The following MTSS2 variants were observed in gnomAD, a reference collection of about 807,000 sequenced individuals.
The protein encoded by MTSS2 is protein MTSS 2.
MTSS2 carries 27 observed loss-of-function variants against 67.1 expected under a neutral mutation model. The ratio of observed to expected loss-of-function variants is 0.40; its 90% CI spans 0.30 to 0.55. The LOEUF is 0.55. Among genes scored for constraint, MTSS2 ranks in the 20% least tolerant of loss-of-function variants. The pLI, the probability that MTSS2 is intolerant of heterozygous loss-of-function variation, is 0.43. For missense variants in MTSS2, 1,171 were observed against 1,067.8 expected (o/e 1.10, Z -1.35); for synonymous variants, 624 against 468.6 (o/e 1.33, Z -4.28).
rs752464245 is a variant in MTSS2 at position 70,679,581 on chromosome 16, G to A, written c.457+49C>T. ...GGGCGCCCCACGGGGCGGTGGGGCT[G>A]TGGAGCGGGGCCGTGGGGCTGTGGC... On this transcript the variant is annotated intron_variant, in intron 6 of 14. Coordinates refer to ENST00000338779, the MANE Select transcript of MTSS2 (RefSeq NM_138383.3). The A allele has an allele frequency of 3.9e-6, 6 of 1,538,566 alleles. No individual in the cohort carries two copies. The East Asian group carries it at 1.2e-4, about 30-fold the overall frequency.
rs753061030 is a variant in MTSS2 at position 70,678,242 on chromosome 16, G to A, written c.624+10C>T. 1 of 1,602,252 alleles carries A rather than the reference G, an allele frequency of 6.2e-7. No individual in the cohort carries two copies. Among genetic ancestry groups the A allele is most frequent in the South Asian group, 1.1e-5 (1 of 89,978 alleles). On this transcript the variant is annotated intron_variant, in intron 8 of 14. Coordinates refer to ENST00000338779, the MANE Select transcript of MTSS2 (RefSeq NM_138383.3). Reference sequence around the variant, plus strand: ...CACCCCTCTGGGGTCTGAGTCCCCAGGAGTCCCACCACCACAGGCTGCAGG... The same window carrying A: ...CACCCCTCTGGGGTCTGAGTCCCCAAGAGTCCCACCACCACAGGCTGCAGG...
In MTSS2 at chr16:70,680,069, C is replaced by T; in HGVS notation, c.206-14G>A. On this transcript the variant is annotated splice_polypyrimidine_tract_variant and intron_variant, in intron 3 of 14. Coordinates refer to ENST00000338779, the MANE Select transcript of MTSS2 (RefSeq NM_138383.3). ...CCCTCGTGGCCCCTGGCGAGGCAAG[C>T]GCGGGGTGGGAAGGGGCCCGCTGGG... is the stretch of plus-strand genomic sequence containing the variant. 3.3e-6 allele frequency: 5 copies of T among 1,493,748 alleles called. No homozygotes were observed. The South Asian group carries it at 3.7e-5, about 11-fold the overall frequency. The allele number at this position is 1,493,748 out of a possible 1,614,324, so 92.5% of individuals were successfully genotyped here.
At chr16:70,680,918 G>GGGGGGGGGGGGGGGGC in intron 2 of MTSS2, 46 bp downstream of exon 2, 1 of 1,097,928 alleles carries the variant, frequency 9.1e-7, no homozygotes, top group African/African-American at 1.6e-5. Flanking sequence ...CGGGGGGGGG[G>GGGGGGGGGGGGGGGGC]CCTCTGCCTG....
intron 11 of MTSS2, among the ~76,000 whole-genome samples, chr16:70,673,632 A>G (rs1263130357): frequency 2.0e-5 from 3 of 152,214 alleles, no homozygotes; most frequent in Non-Finnish European, 4.4e-5. Flanking sequence ...AAAAATGACA[A>G]GAAATGTGTA....
chr16:70,672,341 CAA>C lies in MTSS2; in HGVS notation c.1053+1963_1053+1964del, dbSNP rs11297993. Reference sequence around the variant, plus strand: ...CAGCCTGGGTGATAAGAGCAAAATTCAAAAAAAAAAAAAAAAAAAAAGGAAAA... The same window carrying C: ...CAGCCTGGGTGATAAGAGCAAAATTCAAAAAAAAAAAAAAAAAAAGGAAAA... On this transcript the variant is annotated intron_variant, in intron 11 of 14. Coordinates refer to ENST00000338779, the MANE Select transcript of MTSS2 (RefSeq NM_138383.3). Among the ~76,000 whole-genome samples the C allele has an allele frequency of 1.6e-3, 132 of 80,854 alleles. No homozygotes were observed. In the Middle Eastern group the frequency reaches 0.036, roughly 22 times the overall value. The allele number at this position is 80,854 out of a possible 152,430, so 53.0% of individuals were successfully genotyped here. A position where few individuals can be genotyped will look rare whatever the true frequency, so the allele number is the denominator to read the frequency against.
chr16:70,662,956 T>G lies in MTSS2; in HGVS notation c.*721A>C, dbSNP rs953513454. 2.0e-5 allele frequency: 3 copies of G among 151,422 alleles called. No homozygotes were observed. The highest frequency in any genetic ancestry group is 4.4e-5 in the Non-Finnish European group (3 of 67,880). 9.4% of individuals were successfully genotyped at this position (151,422 alleles called of 1,614,324 possible). A position where few individuals can be genotyped will look rare whatever the true frequency, so the allele number is the denominator to read the frequency against. ...TGCCCTAGTTTCCAAAGAGCTGCTC[T>G]GGCCCCCTCCAGCCAGCCTCACGGG... is the stretch of plus-strand genomic sequence containing the variant. On this transcript the variant is annotated 3_prime_UTR_variant, in exon 15 of 15. Coordinates refer to ENST00000338779, the MANE Select transcript of MTSS2 (RefSeq NM_138383.3).
intron 7 of MTSS2, 103 bp from the exon 8 acceptor site, chr16:70,678,512 CTGGG>C: frequency 2.1e-6 from 3 of 1,399,456 alleles, no homozygotes; most frequent in Non-Finnish European, 2.9e-6. Context: ...GGCCGTTGGG[CTGGG>C]TGTTGCCCTG....
At chr16:70,679,527 G>T in intron 6 of MTSS2, 103 bp downstream of exon 6, 1 of 1,337,968 alleles carries the variant, frequency 7.5e-7, no homozygotes, top group Non-Finnish European at 1.0e-6. Flanking sequence ...GTCGGGGACA[G>T]CGCCCCTCTG....
chr16:70,674,480 A>G lies in MTSS2; in HGVS notation c.879T>C (p.Pro293=). 6.2e-7 allele frequency: 1 copy of G among 1,614,040 alleles called. No homozygotes were observed. The highest frequency in any genetic ancestry group is 1.1e-5 in the South Asian group (1 of 91,078). ...SSAKGGGAPW[P]GGAQTYSPSS... ...TGGGTGAGTATGTTTGGGCACCCCC[A>G]GGCCATGGGGCTCCGCCACCCTTGG... Residue 293 remains proline, a synonymous_variant, in exon 11 of 15, where the codon CCT becomes CCC. Transcript: ENST00000338779.
chr16:70,680,148 G>GAGCCCGC (rs1292881858), intron 3 of MTSS2, 93 bp from the exon 4 acceptor site: 2 of 877,178 alleles, frequency 2.3e-6, no homozygotes, highest in Non-Finnish European at 2.9e-6. Flanking sequence ...CGCGCAGGCG[G>GAGCCCGC]AGCCCGCAGC....
chr16:70,678,922 C>T (rs1437202222), intron 7 of MTSS2, among the ~76,000 whole-genome samples: 1 of 152,178 alleles, frequency 6.6e-6, no homozygotes, highest in African/African-American at 2.4e-5. Flanking sequence ...GGGAGCAGAG[C>T]ACACAGCAAC....
chr16:70,680,908 C>CGGGGG (rs370016576), intron 2 of MTSS2, 41 bp from the exon 3 acceptor site: 62 of 1,178,722 alleles, frequency 5.3e-5, no homozygotes, highest in South Asian at 2.7e-4. Flanking sequence ...GGTGGTTGGG[C>CGGGGG]GGGGGGGGGG....
Position 70,664,409 on chromosome 16 carries a change from G to C in MTSS2, c.1512C>G (p.Asp504Glu), listed in dbSNP as rs372253854. ...YDCYSVNGDADSEGPPEFDKS... is the reference protein window; with the variant it reads ...YDCYSVNGDAESEGPPEFDKS... ...TGTCAAACTCGGGCGGGCCCTCGCT[G>C]TCCGCATCCCCATTCACGGAGTAGC... The change falls in exon 15 of 15, where the codon GAC (aspartate) becomes GAG (glutamate). Residue 504 changes from aspartate (D) to glutamate (E), a missense_variant. Asp to Glu is a conservative substitution (Grantham distance 45). Around this residue, in one of 2 missense-constraint regions of MTSS2, gnomAD observed 924 missense variants for 756.0 expected, o/e 1.22. Coordinates refer to ENST00000338779, the MANE Select transcript of MTSS2 (RefSeq NM_138383.3). 35 of 1,553,418 alleles carry C rather than the reference G, an allele frequency of 2.3e-5. No individual in the cohort carries two copies. The Admixed American group carries it at 3.2e-4, about 14-fold the overall frequency.
At chr16:70,675,608 G>A (rs1385785127) in intron 10 of MTSS2, among the ~76,000 whole-genome samples, 3 of 152,160 alleles carry the variant, frequency 2.0e-5, no homozygotes, top group Non-Finnish European at 4.4e-5. Context: ...AGTAAAGACG[G>A]GGTTTCACCG....
Position 70,674,387 on chromosome 16 carries a change from G to A in MTSS2, c.972C>T (p.Ser324=), listed in dbSNP as rs1273072846. ...GGGAGACGAAGCCAGAGTCATGGGAGGAAACGCTGGAGAGGCGAGCGGTGG... is the reference window on the plus strand; with the variant it reads ...GGGAGACGAAGCCAGAGTCATGGGAAGAAACGCTGGAGAGGCGAGCGGTGG... ...ATTTARLSSV[S]SHDSGFVSQD... is the part of the protein sequence containing the mutation. The change falls in exon 11 of 15, where the codon TCC becomes TCT. Residue 324 remains serine (S), a synonymous_variant. Coordinates refer to ENST00000338779, the MANE Select transcript of MTSS2 (RefSeq NM_138383.3). The A allele has an allele frequency of 2.5e-6, 4 of 1,614,212 alleles. No homozygotes were observed. Among genetic ancestry groups the A allele is most frequent in the South Asian group, 1.1e-5 (1 of 91,080 alleles).
chr16:70,682,649 G>GC (rs2053337225), intron 1 of MTSS2, among the ~76,000 whole-genome samples: 2 of 136,970 alleles, frequency 1.5e-5, no homozygotes, highest in Non-Finnish European at 3.1e-5. Flanking sequence ...ACCTGGACCC[G>GC]CCCCCCTCCC....
At position 70,663,708 on chromosome 16, in the gene MTSS2, G is replaced by A. The variant is rs747571428; in HGVS notation, c.2213C>T (p.Thr738Ile). 17 of 1,589,086 alleles carry A rather than the reference G, an allele frequency of 1.1e-5. No individual in the cohort carries two copies. Among genetic ancestry groups the A allele is most frequent in the Non-Finnish European group, 1.4e-5 (16 of 1,169,258 alleles). ...RRGVRLRRTV[T>I]NDRSAPRIL ...GATGCGGGGCGCCGACCTGTCGTTG[G>A]TGACGGTCCTGCGGAGCCGGACCCC... The change falls in exon 15 of 15, where the codon ACC becomes ATC. Residue 738 changes from threonine (T) to isoleucine (I), a missense_variant. Around this residue, in one of 2 missense-constraint regions of MTSS2, gnomAD observed 924 missense variants for 756.0 expected, o/e 1.22. Coordinates refer to ENST00000338779, the MANE Select transcript of MTSS2 (RefSeq NM_138383.3).
chr16:70,662,075 ACT>A lies in MTSS2; in HGVS notation c.*1600_*1601del, dbSNP rs1333038825. 4 of 151,596 alleles carry A rather than the reference ACT, an allele frequency of 2.6e-5. No individual in the cohort carries two copies. Among genetic ancestry groups the A allele is most frequent in the African/African-American group, 9.7e-5 (4 of 41,142 alleles). 9.4% of individuals were successfully genotyped at this position (151,596 alleles called of 1,614,324 possible). A position where few individuals can be genotyped will look rare whatever the true frequency, so the allele number is the denominator to read the frequency against. ...TTCTTCATCAGCTCCCTCTGATGGG[ACT>A]CTGTCCACATCAGGGCCTGCTTGGT... is the stretch of plus-strand genomic sequence containing the variant. On this transcript the variant is annotated 3_prime_UTR_variant, in exon 15 of 15. Coordinates refer to ENST00000338779, the MANE Select transcript of MTSS2 (RefSeq NM_138383.3).
In MTSS2 at chr16:70,663,572, G is replaced by A; in HGVS notation, c.*105C>T. On this transcript the variant is annotated 3_prime_UTR_variant, in exon 15 of 15. Coordinates refer to ENST00000338779, the MANE Select transcript of MTSS2 (RefSeq NM_138383.3). ...ATAAAGTGGCATGGCCTCTGCCCTG[G>A]CTCTGTCCTCTCTCCTGGCTGGGCC... 6.9e-7 allele frequency: 1 copy of A among 1,441,038 alleles called. No individual in the cohort carries two copies. The highest frequency in any genetic ancestry group is 9.1e-7 in the Non-Finnish European group (1 of 1,097,174). 89.3% of individuals were successfully genotyped at this position (1,441,038 alleles called of 1,614,324 possible). A position where few individuals can be genotyped will look rare whatever the true frequency, so the allele number is the denominator to read the frequency against.
Sources: allele counts gnomAD v4.1 joint callset (sites outside exome capture counted in the v4.1 genomes callset), GRCh38; gene constraint gnomAD v4.1.1; regional missense constraint gnomAD v4.1.1; transcripts MANE v1.5; gene names NCBI Gene and HGNC (gene_info 2026-07-23, HGNC 2026-07-21).